Variants in TMOD2 observed in about 807,000 individuals in gnomAD.
TMOD2 encodes tropomodulin 2.
Under a neutral mutation model 39.9 loss-of-function variants are expected in TMOD2, and 22 were observed. The ratio of observed to expected loss-of-function variants is 0.55; its 90% CI spans 0.39 to 0.79. The LOEUF is 0.79. TMOD2 is among the 30% of genes least tolerant of loss of function. The probability of loss-of-function intolerance (pLI) is 0.00; values close to 1 mark genes in which losing one functional copy is unlikely to be tolerated. For missense variants in TMOD2, 386 were observed against 413.3 expected (o/e 0.93, Z 0.57); for synonymous variants, 123 against 146.1 (o/e 0.84, Z 1.14).
chr15:51,781,154 GT>G lies in TMOD2; in HGVS notation c.605del (p.Val202AlafsTer14). 1 of 1,609,238 alleles carries G rather than the reference GT, an allele frequency of 6.2e-7. No homozygotes were observed. Among genetic ancestry groups the G allele is most frequent in the Non-Finnish European group, 8.5e-7 (1 of 1,178,870 alleles). On this transcript the variant is annotated frameshift_variant, in exon 6 of 10. Transcript: ENST00000249700. LOFTEE classifies it high-confidence loss of function. The stretch of plus-strand genomic sequence containing the variant: ...AGCCAATGATCCTAGCTTGCAAGAA[GT>G]CAACCTCAACAACATTAAGGTATTT... ...MKANDPSLQE[V>X]NLNNIKNIPI...
intron 8 of TMOD2, 70 bp from the exon 9 acceptor site, chr15:51,806,307 T>C (rs2056120906): frequency 1.9e-6 from 3 of 1,575,160 alleles, no homozygotes. Context: ...GCCTTGTCTT[T>C]TTCCTGTGCA....
In TMOD2 at chr15:51,811,846, C is replaced by A. The variant is rs2056158701; in HGVS notation, c.*3392C>A. ...TTGCAGTTTATGTTACCAACCACCA[C>A]ATTTTATAGCTATGTAGAGGATGAC... On this transcript the variant is annotated 3_prime_UTR_variant, in exon 10 of 10. Coordinates refer to ENST00000249700, the MANE Select transcript of TMOD2 (RefSeq NM_014548.4). The A allele has an allele frequency of 6.6e-6, 1 of 151,966 alleles. No homozygotes were observed. The allele number at this position is 151,966 out of a possible 1,614,324, so 9.4% of individuals were successfully genotyped here.
Position 51,762,974 on chromosome 15 carries a change from T to G in TMOD2, c.-69-3399T>G, listed in dbSNP as rs564743400. On this transcript the variant is annotated intron_variant, in intron 1 of 9. Coordinates refer to ENST00000249700, the MANE Select transcript of TMOD2 (RefSeq NM_014548.4). ...ATTTAGGGACAGGGTCTTATTCTGT[T>G]GCCCAGGCTGGAGTGCAGTGGTGCA... 1.7e-3 allele frequency among the ~76,000 whole-genome samples: 256 copies of G among 152,306 alleles called. 2 individuals are homozygous for G. The highest frequency in any genetic ancestry group is 5.9e-3 in the African/African-American group (247 of 41,568).
intron 7 of TMOD2, among the ~76,000 whole-genome samples, chr15:51,794,480 C>T (rs1351515191): frequency 2.0e-5 from 3 of 152,028 alleles, no homozygotes; most frequent in South Asian, 4.2e-4. Context: ...TTTGGGAGGC[C>T]GAGGCAGGAG....
intron 7 of TMOD2, among the ~76,000 whole-genome samples, chr15:51,792,157 A>T (rs1281095072): frequency 6.6e-6 from 1 of 152,234 alleles, no homozygotes; most frequent in African/African-American, 2.4e-5. Flanking sequence ...AACTTAAACA[A>T]ATTTACAAGA....
At chr15:51,768,179 A>G (rs2055828578) in intron 2 of TMOD2, 83 bp from the exon 3 acceptor site, 29 of 1,489,060 alleles carry the variant, frequency 1.9e-5, no homozygotes, top group Non-Finnish European at 2.6e-5. Context: ...TCCCCAGCAC[A>G]TAGTGAGTGG....
At chr15:51,771,242 C>G (rs8024081) in intron 3 of TMOD2, among the ~76,000 whole-genome samples, 1 of 151,912 alleles carries the variant, frequency 6.6e-6, no homozygotes. Context: ...CAGAGCAGAG[C>G]GAAGAGTATG....
At chr15:51,773,560 G>A (rs1328478866) in intron 3 of TMOD2, 152 bp from the exon 4 acceptor site, 3 of 622,478 alleles carry the variant, frequency 4.8e-6, no homozygotes, top group Non-Finnish European at 7.8e-6. Flanking sequence ...ATTGATGTTG[G>A]TACCATCCTG....
chr15:51,791,977 A>G (rs879896020), intron 7 of TMOD2, among the ~76,000 whole-genome samples: 5 of 152,236 alleles, frequency 3.3e-5, no homozygotes, highest in Non-Finnish European at 7.3e-5. Flanking sequence ...CACCAAAAGC[A>G]ATGGCAACGC....
At chr15:51,772,937 A>T (rs1384797082) in intron 3 of TMOD2, among the ~76,000 whole-genome samples, 1 of 152,234 alleles carries the variant, frequency 6.6e-6, no homozygotes, top group Admixed American at 6.5e-5. Context: ...TTTTCCAAAT[A>T]TTTAAAAGCT....
rs747440871 is a variant in TMOD2 at position 51,781,158 on chromosome 15, A to T, written c.608A>T (p.Asn203Ile). ...KANDPSLQEV[N>I]LNNIKNIPIP... Reference sequence around the variant, plus strand: ...AATGATCCTAGCTTGCAAGAAGTCAACCTCAACAACATTAAGGTATTTCAT... The same window carrying T: ...AATGATCCTAGCTTGCAAGAAGTCATCCTCAACAACATTAAGGTATTTCAT... Residue 203 changes from asparagine (N) to isoleucine (I), a missense_variant, in exon 6 of 10, where the codon AAC becomes ATC. Transcript: ENST00000249700. The T allele has an allele frequency of 6.2e-7, 1 of 1,608,170 alleles. No homozygotes were observed. The highest frequency in any genetic ancestry group is 1.3e-5 in the African/African-American group (1 of 74,660).
At chr15:51,793,921 T>C (rs949196382) in intron 7 of TMOD2, among the ~76,000 whole-genome samples, 3 of 152,258 alleles carry the variant, frequency 2.0e-5, no homozygotes, top group African/African-American at 7.2e-5. Flanking sequence ...ATAGATTTAA[T>C]TTTAATCAAG....
chr15:51,783,006 TTTAAG>T (rs1438102117), intron 7 of TMOD2, 178 bp downstream of exon 7: 1 of 577,334 alleles, frequency 1.7e-6, no homozygotes, highest in African/African-American at 1.9e-5. Context: ...TGTCAGATGC[TTTAAG>T]TTATCTGGAA....
At chr15:51,808,167 C>T (rs1166768971) in intron 9 of TMOD2, among the ~76,000 whole-genome samples, 1 of 152,162 alleles carries the variant, frequency 6.6e-6, no homozygotes, top group Non-Finnish European at 1.5e-5. Context: ...TCTGGAATTT[C>T]TATCCCATAG....
chr15:51,796,655 A>G (rs185141438), intron 7 of TMOD2, among the ~76,000 whole-genome samples: 6 of 152,360 alleles, frequency 3.9e-5, no homozygotes, highest in Admixed American at 6.5e-5. Flanking sequence ...ATTAACAGCA[A>G]TAACTAATAA....
At chr15:51,756,459 C>T (rs1469387866) in intron 1 of TMOD2, 1 of 152,222 alleles carries the variant, frequency 6.6e-6, no homozygotes, top group Non-Finnish European at 1.5e-5. Context: ...AGTGTCACCT[C>T]AGCCTTCTGA....
chr15:51,798,125 T>A, intron 7 of TMOD2, 72 bp from the exon 8 acceptor site: 1 of 1,345,240 alleles, frequency 7.4e-7, no homozygotes, highest in East Asian at 2.5e-5. Context: ...AATTTGGGAG[T>A]GAGGGGTTTA....
intron 4 of TMOD2, among the ~76,000 whole-genome samples, 181 bp downstream of exon 4, chr15:51,774,015 G>T (rs557635503): frequency 6.6e-5 from 10 of 152,298 alleles, no homozygotes; most frequent in African/African-American, 2.4e-4. Flanking sequence ...ATGTTATTTT[G>T]CTCTATTTCA....
In TMOD2 at chr15:51,782,832, A is replaced by G; in HGVS notation, c.732+4A>G. 6.2e-7 allele frequency: 1 copy of G among 1,611,144 alleles called. No individual in the cohort carries two copies. Among genetic ancestry groups the G allele is most frequent in the Non-Finnish European group, 8.5e-7 (1 of 1,178,060 alleles). ...CAGCAATGACCCTGTGGCCATTGTG[A>G]GTAAAATTCTTAGAAATATAACATG... On this transcript the variant is annotated splice_donor_region_variant and intron_variant, in intron 7 of 9. Transcript: ENST00000249700.
Sources: allele counts gnomAD v4.1 joint callset (sites outside exome capture counted in the v4.1 genomes callset), GRCh38; gene constraint gnomAD v4.1.1; transcripts MANE v1.5; gene names NCBI Gene and HGNC (gene_info 2026-07-23, HGNC 2026-07-21).